PELO: variants seen among roughly 807,000 people sequenced by gnomAD.
The protein encoded by PELO is protein pelota homolog.
A neutral mutation model predicts 25.9 loss-of-function variants in PELO; 19 were observed. That is an observed-to-expected ratio of 0.73 (90% CI 0.51 to 1.08). The LOEUF (loss-of-function observed/expected upper bound fraction) is 1.08, where lower values mean the gene tolerates loss of function less well. PELO is among the 50% of genes least tolerant of loss of function. The pLI is 0.00. For synonymous variants in PELO, 196 were observed against 192.2 expected (o/e 1.02, Z -0.16); for missense variants, 498 against 491.4 (o/e 1.01, Z -0.13).
chr5:52,796,152 T>C (rs2111650932), intron 1 of PELO, among the ~76,000 whole-genome samples: 1 of 152,074 alleles, frequency 6.6e-6, no homozygotes, highest in African/African-American at 2.4e-5. Context: ...GTGAAATAAA[T>C]TGGGTTCCAG....
chr5:52,792,850 A>G (rs1234700508), intron 1 of PELO, among the ~76,000 whole-genome samples: 1 of 152,200 alleles, frequency 6.6e-6, no homozygotes, highest in Non-Finnish European at 1.5e-5. Flanking sequence ...TAAAGTCAGA[A>G]TAGATTGCCT....
chr5:52,791,182 G>C (rs1008130976), intron 1 of PELO, among the ~76,000 whole-genome samples: 1 of 152,184 alleles, frequency 6.6e-6, no homozygotes, highest in African/African-American at 2.4e-5. Context: ...AGCATAAACT[G>C]ATGTCACATA....
At chr5:52,789,275 G>A (rs1031275721) in intron 1 of PELO, among the ~76,000 whole-genome samples, 2 of 152,106 alleles carry the variant, frequency 1.3e-5, no homozygotes, top group African/African-American at 2.4e-5. Context: ...AAAGTGTATC[G>A]ATAGAATCTC....
In PELO at chr5:52,800,062, C is replaced by T; in HGVS notation, c.-333C>T. 3.1e-6 allele frequency: 1 copy of T among 324,312 alleles called. No individual in the cohort carries two copies. The highest frequency in any genetic ancestry group is 5.8e-6 in the Non-Finnish European group (1 of 172,078). 20.1% of individuals were successfully genotyped at this position (324,312 alleles called of 1,614,324 possible). A position where few individuals can be genotyped will look rare whatever the true frequency, so the allele number is the denominator to read the frequency against. On this transcript the variant is annotated 5_prime_UTR_variant, in exon 2 of 3. Coordinates refer to ENST00000274311, the MANE Select transcript of PELO (RefSeq NM_015946.5). The stretch of plus-strand genomic sequence containing the variant: ...TCCTTTGGGGACGGGAGACGTGCGT[C>T]GGGTCGCGGGACGGGGGCTGCGCAT...
Position 52,801,727 on chromosome 5 carries a change from C to G in PELO, c.1045C>G (p.Leu349Val). The change falls in exon 3 of 3, where the codon CTT becomes GTT. Residue 349 changes from leucine (L) to valine (V), a missense_variant. Physicochemically the swap from Leu to Val is conservative, Grantham distance 32. Coordinates refer to ENST00000274311, the MANE Select transcript of PELO (RefSeq NM_015946.5). ...NAGTVRIFSS[L>V]HVSGEQLSQL... ...AGGCACCGTTAGGATATTCTCTAGTCTTCACGTTTCTGGGGAACAGCTCAG... is the reference window on the plus strand; with the variant it reads ...AGGCACCGTTAGGATATTCTCTAGTGTTCACGTTTCTGGGGAACAGCTCAG... 6.2e-7 allele frequency: 1 copy of G among 1,614,074 alleles called. No homozygotes were observed.
chr5:52,801,380 T>C (rs375504463), intron 2 of PELO, 29 bp from the exon 3 acceptor site: 104 of 1,568,906 alleles, frequency 6.6e-5, no homozygotes, highest in Non-Finnish European at 8.9e-5. Context: ...GGAGATTATT[T>C]TGCCTAACTT....
intron 1 of PELO, 83 bp downstream of exon 1, chr5:52,788,497 GCCAGATAGGAAGAGAGAGCGC>G: frequency 8.5e-7 from 1 of 1,173,712 alleles, no homozygotes; most frequent in African/African-American, 1.6e-5. Context: ...AGAGCCATGG[GCCAGATAGGAAGAGAGAGCGC>G]CCATCCACTT....
chr5:52,797,610 G>A (rs1015462594), intron 1 of PELO, among the ~76,000 whole-genome samples: 1 of 152,086 alleles, frequency 6.6e-6, no homozygotes, highest in South Asian at 2.1e-4. Context: ...ACAGTTGAGG[G>A]GAAGTGACAG....
chr5:52,803,363 A>T lies in PELO; in HGVS notation c.*1523A>T, dbSNP rs1748526785. On this transcript the variant is annotated 3_prime_UTR_variant, in exon 3 of 3. Coordinates refer to ENST00000274311, the MANE Select transcript of PELO (RefSeq NM_015946.5). ...ATTACTATCAAATATGTTACTAAAT[A>T]ATTTAATAAGAATATAGAAATGAAG... The T allele has an allele frequency of 6.6e-6, 1 of 152,224 alleles. No homozygotes were observed. Among genetic ancestry groups the T allele is most frequent in the Admixed American group, 6.5e-5 (1 of 15,278 alleles). The allele number at this position is 152,224 out of a possible 1,614,324, so 9.4% of individuals were successfully genotyped here.
At chr5:52,795,590 A>C (rs1748324897) in intron 1 of PELO, among the ~76,000 whole-genome samples, 1 of 151,942 alleles carries the variant, frequency 6.6e-6, no homozygotes, top group East Asian at 1.9e-4. Context: ...TAACATAAAT[A>C]ACATAAATAA....
intron 1 of PELO, among the ~76,000 whole-genome samples, chr5:52,791,764 G>GA (rs1304517137): frequency 6.6e-6 from 1 of 150,864 alleles, no homozygotes; most frequent in Non-Finnish European, 1.5e-5. Context: ...GATTAGCCTT[G>GA]AAAAAAAGAA....
In PELO at chr5:52,788,253, C is replaced by A. The variant is rs928183423; in HGVS notation, c.-672C>A. 4.4e-6 allele frequency: 4 copies of A among 916,966 alleles called. No individual in the cohort carries two copies. The highest frequency in any genetic ancestry group is 4.0e-5 in the South Asian group (2 of 50,052). 56.8% of individuals were successfully genotyped at this position (916,966 alleles called of 1,614,324 possible). A position where few individuals can be genotyped will look rare whatever the true frequency, so the allele number is the denominator to read the frequency against. ...GCCACTGGGGCAGAGGACTGGGAACCGCGGCAGCGGGATAAGTGGCCCAGC... is the reference window on the plus strand; with the variant it reads ...GCCACTGGGGCAGAGGACTGGGAACAGCGGCAGCGGGATAAGTGGCCCAGC... On this transcript the variant is annotated 5_prime_UTR_variant, in exon 1 of 3. Coordinates refer to ENST00000274311, the MANE Select transcript of PELO (RefSeq NM_015946.5).
At position 52,801,404 on chromosome 5, in the gene PELO, T is replaced by A; in HGVS notation, c.727-5T>A. On this transcript the variant is annotated splice_polypyrimidine_tract_variant and splice_region_variant and intron_variant, in intron 2 of 2. Coordinates refer to ENST00000274311, the MANE Select transcript of PELO (RefSeq NM_015946.5). Reference sequence around the variant, plus strand: ...TTTGCCTAACTTTTGTAATTGTGATTCTAGGTACATGCCTCCTCCGGACAC... The same window carrying A: ...TTTGCCTAACTTTTGTAATTGTGATACTAGGTACATGCCTCCTCCGGACAC... 6.2e-7 allele frequency: 1 copy of A among 1,605,120 alleles called. No homozygotes were observed.
At chr5:52,799,464 A>G (rs1748409435) in intron 1 of PELO, among the ~76,000 whole-genome samples, 1 of 152,218 alleles carries the variant, frequency 6.6e-6, no homozygotes, top group Non-Finnish European at 1.5e-5. Context: ...TTTGGAGCCT[A>G]GGATTCCCAG....
In PELO at chr5:52,802,359, C is replaced by A. The variant is rs1220845112; in HGVS notation, c.*519C>A. 6.6e-6 allele frequency: 1 copy of A among 152,076 alleles called. No individual in the cohort carries two copies. Among genetic ancestry groups the A allele is most frequent in the Non-Finnish European group, 1.5e-5 (1 of 68,054 alleles). The allele number at this position is 152,076 out of a possible 1,614,324, so 9.4% of individuals were successfully genotyped here. ...TAGTTTTACTATTTTAAATGATTGC[C>A]GTACAATTAGTAGACTTGAAGACAA... On this transcript the variant is annotated 3_prime_UTR_variant, in exon 3 of 3. Coordinates refer to ENST00000274311, the MANE Select transcript of PELO (RefSeq NM_015946.5).
At chr5:52,795,588 A>G (rs1482078601) in intron 1 of PELO, among the ~76,000 whole-genome samples, 1 of 151,928 alleles carries the variant, frequency 6.6e-6, no homozygotes, top group African/African-American at 2.4e-5. Context: ...AATAACATAA[A>G]TAACATAAAT....
Position 52,800,791 on chromosome 5 carries a change from T to G in PELO, c.397T>G (p.Trp133Gly), listed in dbSNP as rs747511590. The change falls in exon 2 of 3, where the codon TGG becomes GGG. Residue 133 changes from tryptophan (W) to glycine (G), a missense_variant. By Grantham distance (184) the Trp-to-Gly change is radical. Transcript: ENST00000274311. ...CATCGAGCAGGCCTGTGACCCAGCC[T>G]GGAGCGCTGATGTGGCGGCTGTGGT... is the stretch of plus-strand genomic sequence containing the variant. ...ERIEQACDPAWSADVAAVVMQ... is the reference protein window; with the variant it reads ...ERIEQACDPAGSADVAAVVMQ... 1.4e-5 allele frequency: 22 copies of G among 1,613,408 alleles called. No homozygotes were observed. In the East Asian group the frequency reaches 4.9e-4, roughly 36 times the overall value.
intron 1 of PELO, among the ~76,000 whole-genome samples, chr5:52,799,285 T>C (rs138832811): frequency 6.0e-4 from 92 of 152,350 alleles, no homozygotes; most frequent in Non-Finnish European, 1.1e-3. Context: ...TTAAATTATG[T>C]AGCTATTCAA....
Position 52,800,816 on chromosome 5 carries a change from T to A in PELO, c.422T>A (p.Val141Asp), listed in dbSNP as rs1748461550. 6.2e-7 allele frequency: 1 copy of A among 1,610,708 alleles called. No individual in the cohort carries two copies. The highest frequency in any genetic ancestry group is 8.5e-7 in the Non-Finnish European group (1 of 1,177,984). Residue 141 changes from valine (V) to aspartate (D), a missense_variant, in exon 2 of 3, where the codon GTC becomes GAC. Coordinates refer to ENST00000274311, the MANE Select transcript of PELO (RefSeq NM_015946.5). ...TGGAGCGCTGATGTGGCGGCTGTGG[T>A]CATGCAGGAAGGCCTCGCCCATATC... ...PAWSADVAAV[V>D]MQEGLAHICL...
Sources: gnomAD v4.1 joint callset for allele counts (sites outside exome capture counted in the v4.1 genomes callset) on GRCh38, gnomAD v4.1.1 for gene constraint, MANE v1.5 for transcripts, NCBI Gene and HGNC (gene_info 2026-07-23, HGNC 2026-07-21) for gene names.